ORC1: variants seen among roughly 807,000 people sequenced by gnomAD.
The protein encoded by ORC1 is origin recognition complex, subunit 1 homolog.
A neutral mutation model predicts 98.9 loss-of-function variants in ORC1; 61 were observed. That is an observed-to-expected ratio of 0.62 (90% CI 0.50 to 0.76). The LOEUF is 0.76. Ranked by LOEUF, ORC1 falls within the 30% of genes least tolerant of loss-of-function variation. The pLI, the probability that ORC1 is intolerant of heterozygous loss-of-function variation, is 0.00. For synonymous variants in ORC1, 385 were observed against 406.9 expected (o/e 0.95, Z 0.65); for missense variants, 979 against 1,072.2 (o/e 0.91, Z 1.21).
chr1:52,396,252 A>G lies in ORC1; in HGVS notation c.515T>C (p.Leu172Pro), dbSNP rs1424281116. The change falls in exon 5 of 17, where the codon CTA becomes CCA. Residue 172 changes from leucine (L) to proline (P), a missense_variant. By Grantham distance (98) the Leu-to-Pro change is moderately conservative (BLOSUM62 -3). Transcript: ENST00000371568. Reference sequence around the variant, plus strand: ...TTGTGGTTTATTCAACTCCGCAAATAGTTCTGAGGAAAGTGGCCTGAATTT... The same window carrying G: ...TTGTGGTTTATTCAACTCCGCAAATGGTTCTGAGGAAAGTGGCCTGAATTT... ...EKKFRPLSSE[L>P]FAELNKPQES... is the part of the protein sequence containing the mutation. 1 of 1,614,078 alleles carries G rather than the reference A, an allele frequency of 6.2e-7. No homozygotes were observed. The highest frequency in any genetic ancestry group is 8.5e-7 in the Non-Finnish European group (1 of 1,180,048).
At chr1:52,402,304 G>A (rs1366064251) in intron 1 of ORC1, 76 bp from the exon 2 acceptor site, 1 of 1,076,768 alleles carries the variant, frequency 9.3e-7, no homozygotes, top group Non-Finnish European at 1.4e-6. Flanking sequence ...GACATAGTCA[G>A]TCCCTCCCTT....
intron 10 of ORC1, 137 bp from the exon 11 acceptor site, chr1:52,384,858 T>C: frequency 2.5e-6 from 2 of 784,716 alleles, no homozygotes; most frequent in Non-Finnish European, 2.2e-6. Context: ...GTAGGGACCA[T>C]CCTTGGAAGC....
At chr1:52,383,677 G>C in intron 12 of ORC1, 108 bp from the exon 13 acceptor site, 15 of 1,386,762 alleles carry the variant, frequency 1.1e-5, no homozygotes, top group Non-Finnish European at 1.4e-5. Flanking sequence ...CCAAGTCATA[G>C]CACCAAAACA....
At chr1:52,393,412 A>C in intron 6 of ORC1, 31 bp downstream of exon 6, 1 of 1,613,874 alleles carries the variant, frequency 6.2e-7, no homozygotes. Flanking sequence ...GAAGGATTTC[A>C]ATTTGCTCTG....
At chr1:52,405,647 C>T (rs771891313), upstream of ORC1, 1 of 1,609,258 alleles carries the variant, frequency 6.2e-7, no homozygotes, top group Non-Finnish European at 8.5e-7. Context: ...GAGCTTAGCC[C>T]TAATATGTTA....
rs549839877 is a variant in ORC1, at chr1:52,393,012, C to T, written c.1082+431G>A. ...TCAGAAATCACCACTTAAGAACTTACCCATGTAACCGAAGACCACCTGTTC... is the reference window on the plus strand; with the variant it reads ...TCAGAAATCACCACTTAAGAACTTATCCATGTAACCGAAGACCACCTGTTC... On this transcript the variant is annotated intron_variant, in intron 6 of 16. Coordinates refer to ENST00000371568, the MANE Select transcript of ORC1 (RefSeq NM_004153.4). Among the ~76,000 whole-genome samples, 7 of 152,240 alleles carry T rather than the reference C, an allele frequency of 4.6e-5. No individual in the cohort carries two copies. In the South Asian group the frequency reaches 1.2e-3, roughly 27 times the overall value.
intron 5 of ORC1, among the ~76,000 whole-genome samples, chr1:52,395,778 T>C (rs918671264): frequency 6.6e-6 from 1 of 152,152 alleles, no homozygotes; most frequent in African/African-American, 2.4e-5. Context: ...ATTGTGCCAT[T>C]GCATTCCAAC....
chr1:52,382,822 C>T (rs146781774), intron 13 of ORC1, among the ~76,000 whole-genome samples: 4,985 of 152,040 alleles, frequency 0.033, 125 homozygotes, highest in Middle Eastern at 0.13. Context: ...TCAGGTGATC[C>T]ACCTGCCTTG....
chr1:52,397,622 G>A lies in ORC1; in HGVS notation c.402+63C>T, dbSNP rs969809521. The A allele has an allele frequency of 6.1e-6, 9 of 1,480,202 alleles. No homozygotes were observed. In the African/African-American group the frequency reaches 1.1e-4, roughly 18 times the overall value. The allele number at this position is 1,480,202 out of a possible 1,614,324, so 91.7% of individuals were successfully genotyped here. ...GAGCCGGTAATATTTCTGGGGTCAT[G>A]AAGTTCAGGAGGCAGACAGAAATAA... On this transcript the variant is annotated intron_variant, in intron 4 of 16. Coordinates refer to ENST00000371568, the MANE Select transcript of ORC1 (RefSeq NM_004153.4).
At chr1:52,404,627 A>G (rs567915858), upstream of ORC1, 144 of 1,086,070 alleles carry the variant, frequency 1.3e-4, 1 homozygote, top group South Asian at 9.2e-4. Flanking sequence ...CGGCTTCAAG[A>G]TGGTCGCCTA....
At position 52,393,647 on chromosome 1, in the gene ORC1, G is replaced by C; in HGVS notation, c.878C>G (p.Pro293Arg). Residue 293 changes from proline (P) to arginine (R), a missense_variant, in exon 6 of 17, where the codon CCA (proline) becomes CGA (arginine). Transcript: ENST00000371568. ...LQTLSPALKAPEKTRETGLSY... is the reference protein window; with the variant it reads ...LQTLSPALKAREKTRETGLSY... ...GAGTCCAGTCTCTCTGGTTTTCTCT[G>C]GGGCTTTCAGAGCTGGAGACAAGGT... 6.2e-7 allele frequency: 1 copy of C among 1,614,136 alleles called. No individual in the cohort carries two copies. The highest frequency in any genetic ancestry group is 8.5e-7 in the Non-Finnish European group (1 of 1,180,006).
intron 5 of ORC1, 47 bp from the exon 6 acceptor site, chr1:52,393,850 C>T: frequency 6.3e-7 from 1 of 1,597,908 alleles, no homozygotes; most frequent in Non-Finnish European, 8.5e-7. Flanking sequence ...TAACAATATA[C>T]AAACCCACAA....
chr1:52,377,126 G>A (rs774499113), intron 14 of ORC1, among the ~76,000 whole-genome samples: 2 of 151,808 alleles, frequency 1.3e-5, no homozygotes, highest in East Asian at 1.9e-4. Context: ...GGGTTCAAGC[G>A]ATTCTCCTGC....
chr1:52,378,035 T>A lies in ORC1; in HGVS notation c.2134-2436A>T, dbSNP rs370604578. On this transcript the variant is annotated intron_variant, in intron 14 of 16. Transcript: ENST00000371568. ...AGAGCAGCATCCAAATTGGATGTCTTCTGAATCTTTGTTAAAAAAACCGGG... is the reference window on the plus strand; with the variant it reads ...AGAGCAGCATCCAAATTGGATGTCTACTGAATCTTTGTTAAAAAAACCGGG... 3.3e-5 allele frequency among the ~76,000 whole-genome samples: 5 copies of A among 152,092 alleles called. No homozygotes were observed. In the East Asian group the frequency reaches 7.7e-4, roughly 23 times the overall value.
rs1646973383 is a variant in ORC1, at chr1:52,374,825, T to C, written c.2376A>G (p.Glu792=). 6.2e-7 allele frequency: 1 copy of C among 1,612,210 alleles called. No individual in the cohort carries two copies. The highest frequency in any genetic ancestry group is 1.3e-5 in the African/African-American group (1 of 74,866). ...LAEFRRSGLE[E]ATFQQIYSQH... ...AGGAGATCACCTGTTGAAACGTGGC[T>C]TCCTCCAGTCCTGATCGACGGAACT... is the stretch of plus-strand genomic sequence containing the variant. Residue 792 remains glutamate (E), a synonymous_variant, in exon 16 of 17, where the codon GAA becomes GAG. Coordinates refer to ENST00000371568, the MANE Select transcript of ORC1 (RefSeq NM_004153.4).
chr1:52,387,049 G>A (rs1043950907), intron 8 of ORC1, among the ~76,000 whole-genome samples: 2 of 152,146 alleles, frequency 1.3e-5, no homozygotes, highest in Non-Finnish European at 2.9e-5. Context: ...AAACCTGATG[G>A]GCTTCTGCCC....
At chr1:52,379,958 AAATT>A (rs1647040153) in intron 14 of ORC1, among the ~76,000 whole-genome samples, 1 of 152,088 alleles carries the variant, frequency 6.6e-6, no homozygotes, top group Non-Finnish European at 1.5e-5. Flanking sequence ...AAAACAAAGG[AAATT>A]TATTCTCAAG....
At chr1:52,398,113 G>A (rs1170544430) in intron 3 of ORC1, among the ~76,000 whole-genome samples, 3 of 151,974 alleles carry the variant, frequency 2.0e-5, no homozygotes, top group Non-Finnish European at 2.9e-5. Flanking sequence ...ACAGGCACCT[G>A]CCATCCTACC....
chr1:52,404,514 AC>A (rs1647902756), upstream of ORC1: 1 of 424,372 alleles, frequency 2.4e-6, no homozygotes, highest in African/African-American at 2.0e-5. Context: ...CCCACTCCGT[AC>A]ACCTAAGAGG....
Sources: gnomAD v4.1 joint callset for allele counts (sites outside exome capture counted in the v4.1 genomes callset) on GRCh38, gnomAD v4.1.1 for gene constraint, MANE v1.5 for transcripts, NCBI Gene and HGNC (gene_info 2026-07-23, HGNC 2026-07-21) for gene names.